Variants in DISP2 observed in about 807,000 individuals in gnomAD.
DISP2 encodes the protein dispatched RND transporter family member 2.
A neutral mutation model predicts 95.5 loss-of-function variants in DISP2; 59 were observed. That is an observed-to-expected ratio of 0.62 (90% CI 0.50 to 0.77). The LOEUF is 0.77. DISP2 is among the 30% of genes least tolerant of loss of function. The pLI, the probability that DISP2 is intolerant of heterozygous loss-of-function variation, is 0.00. For synonymous variants in DISP2, 827 were observed against 815.0 expected, an observed-to-expected ratio of 1.01 and a Z score of -0.25; for missense variants, 1,752 against 1,854.6, an observed-to-expected ratio of 0.94 and a Z score of 1.02.
In DISP2 at chr15:40,358,336, C is replaced by A. The variant is rs1480784738; in HGVS notation, c.15C>A (p.Ser5Arg). 9.3e-6 allele frequency: 13 copies of A among 1,390,484 alleles called. No individual in the cohort carries two copies. The highest frequency in any genetic ancestry group is 1.2e-5 in the Non-Finnish European group (13 of 1,070,566). 86.1% of individuals were successfully genotyped at this position (1,390,484 alleles called of 1,614,324 possible). Residue 5 changes from serine (S) to arginine (R), a missense_variant, in exon 1 of 8, where the codon AGC becomes AGA. Coordinates refer to ENST00000267889, the MANE Select transcript of DISP2 (RefSeq NM_033510.3). MDGDSSSSSGGSGPA... is the reference protein window; with the variant it reads MDGDRSSSSGGSGPA... ...CGCCCACGGGCATGGACGGTGACAG[C>A]AGCAGCAGCAGCGGCGGCAGCGGTC...
intron 7 of DISP2, among the ~76,000 whole-genome samples, 191 bp from the exon 8 acceptor site, chr15:40,366,867 G>A (rs1258741443): frequency 6.6e-6 from 1 of 152,208 alleles, no homozygotes; most frequent in East Asian, 1.9e-4. Flanking sequence ...ATGAAGTCAA[G>A]ATGTAGCTGC....
intron 1 of DISP2, among the ~76,000 whole-genome samples, chr15:40,362,629 G>T (rs1889423016): frequency 6.6e-6 from 1 of 152,170 alleles, no homozygotes; most frequent in Admixed American, 6.5e-5. Context: ...CAGATGCTAT[G>T]AAAAAAATAT....
rs750460103 is a variant in DISP2, at chr15:40,364,455, G to C, written c.514G>C (p.Val172Leu). The C allele has an allele frequency of 1.2e-6, 2 of 1,613,884 alleles. No homozygotes were observed. The highest frequency in any genetic ancestry group is 1.1e-5 in the South Asian group (1 of 91,094). The change falls in exon 4 of 8, where the codon GTG becomes CTG. Residue 172 changes from valine (V) to leucine (L), a missense_variant. Val to Leu is a conservative substitution (Grantham distance 32, BLOSUM62 1). Around this residue, in one of 5 missense-constraint regions of DISP2, gnomAD observed 342 missense variants for 364.3 expected, o/e 0.94. Transcript: ENST00000267889. Reference sequence around the variant, plus strand: ...GCTGATTGCTGAGTGGCCAGTGGCCGTGCTGATGCTGTGTCTGGCTGTCAT... The same window carrying C: ...GCTGATTGCTGAGTGGCCAGTGGCCCTGCTGATGCTGTGTCTGGCTGTCAT... ...SQLIAEWPVA[V>L]LMLCLAVIFL...
chr15:40,374,003 T>TAAAAAAAAAAAA lies in DISP2; in HGVS notation c.*3686_*3697dup, dbSNP rs1555400587. On this transcript the variant is annotated 3_prime_UTR_variant, in exon 8 of 8. Transcript: ENST00000267889. ...TGGGCAACAGAGCGAGACTCCATCT[T>TAAAAAAAAAAAA]AAAAAAAAAAAATATATATATATAT... 4 of 114,140 alleles carry TAAAAAAAAAAAA rather than the reference T, an allele frequency of 3.5e-5. No individual in the cohort carries two copies. The highest frequency in any genetic ancestry group is 5.1e-4 in the East Asian group (2 of 3,922). 7.1% of individuals were successfully genotyped at this position (114,140 alleles called of 1,614,324 possible).
At position 40,367,272 on chromosome 15, in the gene DISP2, C is replaced by T. The variant is rs574292429; in HGVS notation, c.1160C>T (p.Pro387Leu). ...GCCTTGGTGCCCTCTTGTCTGGGAC[C>T]TGGGCAGAACAAGTCCCCACGCTGT... ...SGALVPSCLGPGQNKSPRCAQ... is the reference protein window; with the variant it reads ...SGALVPSCLGLGQNKSPRCAQ... The change falls in exon 8 of 8, where the codon CCT becomes CTT. Residue 387 changes from proline (P) to leucine (L), a missense_variant. Physicochemically the swap from Pro to Leu is moderately conservative, Grantham distance 98 (BLOSUM62 -3). This residue lies in a region of DISP2 where 732 missense variants were observed against 714.6 expected (regional missense o/e 1.02). Transcript: ENST00000267889. The T allele has an allele frequency of 2.5e-6, 4 of 1,613,890 alleles. No individual in the cohort carries two copies. The highest frequency in any genetic ancestry group is 1.3e-5 in the African/African-American group (1 of 74,928).
chr15:40,364,849 A>C lies in DISP2; in HGVS notation c.615A>C (p.Pro205=). ...DFSKPLLGFE[P]RDTDIGSKLV... ...CCTCCTCCCTGCAGGGCTTTGAGCC[A>C]CGGGACACAGACATTGGGAGCAAGT... is the stretch of plus-strand genomic sequence containing the variant. Residue 205 remains proline (P), a synonymous_variant, in exon 5 of 8, where the codon CCA becomes CCC. Transcript: ENST00000267889. 1 of 1,614,038 alleles carries C rather than the reference A, an allele frequency of 6.2e-7. No individual in the cohort carries two copies. Among genetic ancestry groups the C allele is most frequent in the African/African-American group, 1.3e-5 (1 of 75,046 alleles).
rs1313566460 is a variant in DISP2, at chr15:40,370,028, A to G, written c.3916A>G (p.Ser1306Gly). 5.0e-6 allele frequency: 8 copies of G among 1,614,024 alleles called. No individual in the cohort carries two copies. Among genetic ancestry groups the G allele is most frequent in the Admixed American group, 3.3e-5 (2 of 60,012 alleles). ...DETCLSTSEP[S>G]ARVPDSVGVS... ...GACCTGCCTAAGCACCTCTGAGCCC[A>G]GTGCCCGTGTACCAGATTCCGTGGG... Residue 1306 changes from serine (S) to glycine (G), a missense_variant, in exon 8 of 8, where the codon AGT becomes GGT. Physicochemically the swap from Ser to Gly is moderately conservative, Grantham distance 56. Around this residue, in one of 5 missense-constraint regions of DISP2, gnomAD observed 347 missense variants for 344.2 expected, o/e 1.01. Transcript: ENST00000267889.
In DISP2 at chr15:40,367,730, T is replaced by G; in HGVS notation, c.1618T>G (p.Phe540Val). ...CCAGGTGGCCTTCCGCATGGCCTAC[T>G]TCCCCTTCGTCAATCTGGCAGCCCT... is the stretch of plus-strand genomic sequence containing the variant. The part of the protein sequence containing the change: ...LYQVAFRMAY[F>V]PFVNLAALLL... Residue 540 changes from phenylalanine to valine, a missense_variant, in exon 8 of 8, where the codon TTC (phenylalanine) becomes GTC (valine). By Grantham distance (50) the Phe-to-Val change is conservative (BLOSUM62 -1). Transcript: ENST00000267889. 2 of 1,613,168 alleles carry G rather than the reference T, an allele frequency of 1.2e-6. No individual in the cohort carries two copies. Among genetic ancestry groups the G allele is most frequent in the Non-Finnish European group, 1.7e-6 (2 of 1,180,016 alleles).
chr15:40,364,721 T>G (rs1238709170), intron 4 of DISP2, 117 bp from the exon 5 acceptor site: 18 of 1,393,142 alleles, frequency 1.3e-5, no homozygotes, highest in Non-Finnish European at 1.7e-5. Flanking sequence ...CATCCACAAT[T>G]CAGGCAGGCG....
chr15:40,364,746 G>A, intron 4 of DISP2, 92 bp from the exon 5 acceptor site: 1 of 1,431,104 alleles, frequency 7.0e-7, no homozygotes, highest in Non-Finnish European at 9.5e-7. Context: ...GGCCTTCCCT[G>A]CTCTGAGGAG....
chr15:40,363,181 G>A (rs980920687), intron 1 of DISP2, among the ~76,000 whole-genome samples: 2 of 151,744 alleles, frequency 1.3e-5, no homozygotes, highest in African/African-American at 2.4e-5. Context: ...TCGTGATGGC[G>A]GGCACCTGTA....
At position 40,363,570 on chromosome 15, in the gene DISP2, G is replaced by A. The variant is rs1889440353; in HGVS notation, c.120-55G>A. 3 of 1,293,722 alleles carry A rather than the reference G, an allele frequency of 2.3e-6. No individual in the cohort carries two copies. In the Admixed American group the frequency reaches 7.4e-5, roughly 32 times the overall value. The allele number at this position is 1,293,722 out of a possible 1,614,324, so 80.1% of individuals were successfully genotyped here. ...ACTGAACTGAATAATGCTGGGGCAT[G>A]GGGTGGCCCACCACCATCCCCCACC... is the stretch of plus-strand genomic sequence containing the variant. On this transcript the variant is annotated intron_variant, in intron 1 of 7. Coordinates refer to ENST00000267889, the MANE Select transcript of DISP2 (RefSeq NM_033510.3).
chr15:40,362,592 A>G (rs1889422489), intron 1 of DISP2, among the ~76,000 whole-genome samples: 1 of 152,172 alleles, frequency 6.6e-6, no homozygotes. Flanking sequence ...AAACATAACG[A>G]CTCTATAATA....
At position 40,367,614 on chromosome 15, in the gene DISP2, T is replaced by C. The variant is rs1392366459; in HGVS notation, c.1502T>C (p.Phe501Ser). ...YPLLALVAIF[F>S]GMALYLRSLF... The stretch of plus-strand genomic sequence containing the variant: ...TTGCTGGCTCTGGTTGCCATCTTCT[T>C]CGGCATGGCCCTGTACCTGCGCTCA... Residue 501 changes from phenylalanine to serine, a missense_variant, in exon 8 of 8, where the codon TTC becomes TCC. Coordinates refer to ENST00000267889, the MANE Select transcript of DISP2 (RefSeq NM_033510.3). 7 of 1,613,946 alleles carry C rather than the reference T, an allele frequency of 4.3e-6. No individual in the cohort carries two copies. Among genetic ancestry groups the C allele is most frequent in the Non-Finnish European group, 5.9e-6 (7 of 1,179,988 alleles).
At chr15:40,364,123 T>C (rs769158180) in intron 2 of DISP2, 103 bp from the exon 3 acceptor site, 2 of 1,554,010 alleles carry the variant, frequency 1.3e-6, no homozygotes, top group African/African-American at 2.7e-5. Context: ...GTTAATACCA[T>C]GGGTTATCCC....
chr15:40,368,374 C>G lies in DISP2; in HGVS notation c.2262C>G (p.Arg754=). ...HPFERFDAEY[R]QLFLFEQLPQ... ...TCGAGCGCTTCGACGCGGAGTATCG[C>G]CAGCTGTTCCTGTTCGAGCAGCTGC... The change falls in exon 8 of 8, where the codon CGC becomes CGG. Residue 754 remains arginine (R), a synonymous_variant. Transcript: ENST00000267889. 6.2e-7 allele frequency: 1 copy of G among 1,607,122 alleles called. No homozygotes were observed. Among genetic ancestry groups the G allele is most frequent in the Non-Finnish European group, 8.5e-7 (1 of 1,179,642 alleles).
Position 40,368,338 on chromosome 15 carries a change from C to T in DISP2, c.2226C>T (p.Pro742=). 1.2e-6 allele frequency: 2 copies of T among 1,604,480 alleles called. No individual in the cohort carries two copies. The highest frequency in any genetic ancestry group is 1.7e-6 in the Non-Finnish European group (2 of 1,177,470). ...CGCCCGGCGGCCAGGTCTTCCGGCC[C>T]AGCCACCCCTTCGAGCGCTTCGACG... is the stretch of plus-strand genomic sequence containing the variant. ...LPPPGGQVFR[P]SHPFERFDAE... The change falls in exon 8 of 8, where the codon CCC becomes CCT. Residue 742 remains proline, a synonymous_variant. Coordinates refer to ENST00000267889, the MANE Select transcript of DISP2 (RefSeq NM_033510.3).
In DISP2 at chr15:40,363,311, C is replaced by CAA. The variant is rs776191955; in HGVS notation, c.120-298_120-297dup. Among the ~76,000 whole-genome samples the CAA allele has an allele frequency of 8.5e-3, 873 of 102,392 alleles. 13 individuals carry two copies. The highest frequency in any genetic ancestry group is 0.027 in the African/African-American group (703 of 26,088). The allele number at this position is 102,392 out of a possible 152,430, so 67.2% of individuals were successfully genotyped here. A position where few individuals can be genotyped will look rare whatever the true frequency, so the allele number is the denominator to read the frequency against. On this transcript the variant is annotated intron_variant, in intron 1 of 7. Transcript: ENST00000267889. ...TGGGTGACAGAGCGAGACTCCATCA[C>CAA]AAAAAAAAAAAAAAAAATCATATAT...
At position 40,367,682 on chromosome 15, in the gene DISP2, C is replaced by T; in HGVS notation, c.1570C>T (p.Leu524=). The change falls in exon 8 of 8, where the codon CTG becomes TTG. Residue 524 remains leucine (L), a synonymous_variant. Transcript: ENST00000267889. ...LMVLLGVLGS[L]LVAFFLYQVA... ...GGTGCTGCTGGGGGTGCTGGGCTCA[C>T]TGCTGGTGGCCTTCTTCCTTTACCA... 1 of 1,614,024 alleles carries T rather than the reference C, an allele frequency of 6.2e-7. No homozygotes were observed. The highest frequency in any genetic ancestry group is 8.5e-7 in the Non-Finnish European group (1 of 1,180,040).
Sources: allele counts gnomAD v4.1 joint callset (sites outside exome capture counted in the v4.1 genomes callset), GRCh38; gene constraint gnomAD v4.1.1; regional missense constraint gnomAD v4.1.1; transcripts MANE v1.5; gene names NCBI Gene and HGNC (gene_info 2026-07-23, HGNC 2026-07-21).